The following CCDC88C variants were observed in gnomAD, a reference collection of about 807,000 sequenced individuals.
CCDC88C encodes protein Daple.
CCDC88C carries 131 observed loss-of-function variants against 198.8 expected under a neutral mutation model. The ratio of observed to expected loss-of-function variants is 0.66; its 90% confidence interval spans 0.57 to 0.76. The LOEUF (loss-of-function observed/expected upper bound fraction) is 0.76. Ranked by LOEUF, CCDC88C falls within the 30% of genes least tolerant of loss-of-function variation. CCDC88C has a pLI of 0.00. For synonymous variants in CCDC88C, 1,166 were observed against 1,114.7 expected, an observed-to-expected ratio of 1.05 and a Z score of -0.92; for missense variants, 2,553 against 2,631.6, an observed-to-expected ratio of 0.97 and a Z score of 0.65.
At chr14:91,320,473 G>A (rs1037389724) in intron 13 of CCDC88C, among the ~76,000 whole-genome samples, 4 of 152,212 alleles carry the variant, frequency 2.6e-5, no homozygotes, top group African/African-American at 4.8e-5. Context: ...CTGCCTGTGC[G>A]TTGTATACTT....
chr14:91,345,190 A>ATATTTTTTTTTTTTT (rs1246878587), intron 4 of CCDC88C, among the ~76,000 whole-genome samples: 1 of 52,204 alleles, frequency 1.9e-5, no homozygotes, highest in Non-Finnish European at 3.4e-5. Context: ...ATATATATAT[A>ATATTTTTTTTTTTTT]TTTTTTTTTT....
intron 4 of CCDC88C, among the ~76,000 whole-genome samples, chr14:91,348,463 G>A (rs2139880236): frequency 6.6e-6 from 1 of 151,996 alleles, no homozygotes; most frequent in Non-Finnish European, 1.5e-5. Context: ...GGGCGACAGA[G>A]CAAGACCCTG....
intron 24 of CCDC88C, among the ~76,000 whole-genome samples, chr14:91,290,515 G>T (rs1890615061): frequency 6.6e-6 from 1 of 152,214 alleles, no homozygotes; most frequent in African/African-American, 2.4e-5. Flanking sequence ...CTCTGGGGAA[G>T]AGACATGTCC....
intron 3 of CCDC88C, among the ~76,000 whole-genome samples, chr14:91,360,564 G>A (rs1323254053): frequency 6.6e-6 from 1 of 152,196 alleles, no homozygotes; most frequent in Non-Finnish European, 1.5e-5. Context: ...TAAATGAGGA[G>A]ACTTCTCTCA....
chr14:91,317,672 G>A (rs1892160107), intron 13 of CCDC88C, among the ~76,000 whole-genome samples: 7 of 152,242 alleles, frequency 4.6e-5, no homozygotes, highest in Admixed American at 4.6e-4. Context: ...CCAGGCTTCA[G>A]ACACAGGACA....
chr14:91,341,698 A>C (rs12894505), intron 6 of CCDC88C, among the ~76,000 whole-genome samples: 13,219 of 152,258 alleles, frequency 0.087, 717 homozygotes, highest in Admixed American at 0.16. Flanking sequence ...CAGGAAAGTA[A>C]ATTTCCACCT....
At chr14:91,360,252 T>TCTCACACACA (rs1436609846) in intron 3 of CCDC88C, among the ~76,000 whole-genome samples, 6 of 144,196 alleles carry the variant, frequency 4.2e-5, no homozygotes, top group Admixed American at 1.4e-4. Flanking sequence ...GACCCCATCT[T>TCTCACACACA]CACACACACA....
Position 91,417,693 on chromosome 14 carries a change from T to A in CCDC88C, c.-3A>T. ...AGCTCCGAGACTGTCACGTCCATGC[T>A]GAGGCTGCGCCCGCCGGCTCCGCGC... On this transcript the variant is annotated 5_prime_UTR_variant, in exon 1 of 30. Coordinates refer to ENST00000389857, the MANE Select transcript of CCDC88C (RefSeq NM_001080414.4). 1 of 1,535,422 alleles carries A rather than the reference T, an allele frequency of 6.5e-7. No individual in the cohort carries two copies. The highest frequency in any genetic ancestry group is 1.2e-5 in the South Asian group (1 of 83,102).
At chr14:91,344,790 C>T (rs1295192174) in intron 4 of CCDC88C, among the ~76,000 whole-genome samples, 19 of 151,450 alleles carry the variant, frequency 1.3e-4, no homozygotes, top group African/African-American at 4.1e-4. Context: ...TGAGCCACCG[C>T]GCCCGGCCCC....
intron 3 of CCDC88C, among the ~76,000 whole-genome samples, chr14:91,383,447 T>A (rs1884931026): frequency 6.6e-6 from 1 of 151,890 alleles, no homozygotes; most frequent in Non-Finnish European, 1.5e-5. Context: ...AGAAAGCCCC[T>A]CCCTCTTTCT....
rs779219856 is a variant in CCDC88C, at chr14:91,305,756, C to T, written c.3357+9G>A. ...GCTTGTGACCACTGGTGTTGGGAGC[C>T]CCGCTCACCTGCAGCTTGGCGGTCT... On this transcript the variant is annotated intron_variant, in intron 19 of 29. Transcript: ENST00000389857. 4.4e-6 allele frequency: 7 copies of T among 1,594,670 alleles called. No individual in the cohort carries two copies. In the South Asian group the frequency reaches 4.4e-5, roughly 10 times the overall value.
chr14:91,380,505 A>G (rs1382245403), intron 3 of CCDC88C, among the ~76,000 whole-genome samples: 1 of 151,732 alleles, frequency 6.6e-6, no homozygotes, highest in Non-Finnish European at 1.5e-5. Flanking sequence ...CAGTACAATA[A>G]GCCCCTGTAT....
intron 12 of CCDC88C, among the ~76,000 whole-genome samples, chr14:91,322,494 G>T (rs907139305): frequency 2.0e-5 from 3 of 152,084 alleles, no homozygotes; most frequent in African/African-American, 7.2e-5. Flanking sequence ...CCACATACAA[G>T]GACGCTTGGA....
rs913130131 is a variant in CCDC88C at position 91,339,847 on chromosome 14, T to C, written c.624+37A>G. 8 of 1,554,828 alleles carry C rather than the reference T, an allele frequency of 5.1e-6. No individual in the cohort carries two copies. The highest frequency in any genetic ancestry group is 6.1e-6 in the Non-Finnish European group (7 of 1,149,274). On this transcript the variant is annotated intron_variant, in intron 7 of 29. Transcript: ENST00000389857. The surrounding 1 kb of genome is among the most constrained non-coding windows in gnomAD (Gnocchi z 5.8). ...GAGGAGATGAAGGGGCCTAAGCCCC[T>C]TCCCAGGCTGACCGGGCCACCGACC... is the stretch of plus-strand genomic sequence containing the variant.
In CCDC88C at chr14:91,338,390, T is replaced by C; in HGVS notation, c.891+99A>G. 1 of 1,135,532 alleles carries C rather than the reference T, an allele frequency of 8.8e-7. No individual in the cohort carries two copies. The highest frequency in any genetic ancestry group is 1.3e-6 in the Non-Finnish European group (1 of 773,374). 70.3% of individuals were successfully genotyped at this position (1,135,532 alleles called of 1,614,324 possible). ...CAGGACAAGTGGCTCTTGTGTGGCT[T>C]AAAAGCGCTGCTGTTGAGCTCCTGA... is the stretch of plus-strand genomic sequence containing the variant. On this transcript the variant is annotated intron_variant, in intron 9 of 29. Transcript: ENST00000389857. This position sits in a 1 kb window ranked among gnomAD's most constrained non-coding sequence, Gnocchi z 4.8.
intron 10 of CCDC88C, among the ~76,000 whole-genome samples, chr14:91,331,396 T>TGGAGGAGGGC (rs1892818968): frequency 6.6e-6 from 1 of 151,702 alleles, no homozygotes; most frequent in South Asian, 2.1e-4. Flanking sequence ...CAGAGGAGGG[T>TGGAGGAGGGC]GGAGGAGGGC....
At chr14:91,417,316 G>T in intron 1 of CCDC88C, 1 of 629,738 alleles carries the variant, frequency 1.6e-6, no homozygotes, top group South Asian at 1.8e-5. Flanking sequence ...GGACAGGAGT[G>T]ACCACTGGGA....
At chr14:91,410,800 T>C (rs1272994537) in intron 2 of CCDC88C, among the ~76,000 whole-genome samples, 1 of 152,242 alleles carries the variant, frequency 6.6e-6, no homozygotes, top group East Asian at 1.9e-4. Flanking sequence ...TTTTTCTGTT[T>C]TGTTTCTTCT....
At chr14:91,409,535 T>C (rs1040389692) in intron 2 of CCDC88C, among the ~76,000 whole-genome samples, 13 of 147,154 alleles carry the variant, frequency 8.8e-5, no homozygotes, top group Admixed American at 7.0e-4. Flanking sequence ...TTGCCCAGAC[T>C]GGAGGGCAGT....
Sources: allele counts gnomAD v4.1 joint callset (sites outside exome capture counted in the v4.1 genomes callset), GRCh38; gene constraint gnomAD v4.1.1; non-coding constraint Gnocchi (gnomAD v3.1); transcripts MANE v1.5; gene names NCBI Gene and HGNC (gene_info 2026-07-23, HGNC 2026-07-21).